FBXO11: variants seen among roughly 807,000 people sequenced by gnomAD.
FBXO11 encodes F-box protein 11.
In FBXO11, 13 loss-of-function variants were observed where a neutral mutation model predicts 117.0. The observed-to-expected ratio is 0.11, with a 90% CI of 0.07 to 0.18. The LOEUF (loss-of-function observed/expected upper bound fraction) is 0.18, where lower values mean the gene tolerates loss of function less well. Ranked by LOEUF, FBXO11 falls within the 10% of genes least tolerant of loss-of-function variation. FBXO11 has a pLI of 1.00. For missense variants in FBXO11, 767 were observed against 1,164.4 expected, an observed-to-expected ratio of 0.66 and a Z score of 4.97; for synonymous variants, 490 against 380.5, an observed-to-expected ratio of 1.29 and a Z score of -3.35.
intron 1 of FBXO11, among the ~76,000 whole-genome samples, chr2:47,889,006 C>A (rs548001539): frequency 6.6e-6 from 1 of 152,208 alleles, no homozygotes; most frequent in East Asian, 1.9e-4. Flanking sequence ...ATGAACACAC[C>A]TTGGACTAGA....
chr2:47,868,627 G>T (rs1316245183), intron 1 of FBXO11, among the ~76,000 whole-genome samples: 3 of 152,048 alleles, frequency 2.0e-5, no homozygotes, highest in African/African-American at 7.2e-5. Context: ...AACCATTGTT[G>T]TCATTGCCCA....
At chr2:47,889,410 A>G (rs1677100587) in intron 1 of FBXO11, among the ~76,000 whole-genome samples, 2 of 152,294 alleles carry the variant, frequency 1.3e-5, no homozygotes, top group South Asian at 4.1e-4. Context: ...CTCTTTAATG[A>G]AGGTTTTCTA....
At chr2:47,870,412 C>G (rs940907241) in intron 1 of FBXO11, among the ~76,000 whole-genome samples, 14 of 152,072 alleles carry the variant, frequency 9.2e-5, no homozygotes, top group African/African-American at 3.4e-4. Flanking sequence ...GAAATAGGGT[C>G]TTTGAAAATG....
chr2:47,825,571 C>CTTTTTTTTTT (rs751404253), intron 11 of FBXO11, among the ~76,000 whole-genome samples: 8 of 88,310 alleles, frequency 9.1e-5, no homozygotes, highest in African/African-American at 2.3e-4. Flanking sequence ...TCTTCTTCTT[C>CTTTTTTTTTT]TTTTTTTTTT....
At chr2:47,842,462 C>T (rs1402718120) in intron 1 of FBXO11, among the ~76,000 whole-genome samples, 1 of 152,056 alleles carries the variant, frequency 6.6e-6, no homozygotes, top group African/African-American at 2.4e-5. Flanking sequence ...GTTTCTCTAC[C>T]TAGCTATATT....
chr2:47,890,842 C>T (rs1216783220), intron 1 of FBXO11, among the ~76,000 whole-genome samples: 2 of 151,904 alleles, frequency 1.3e-5, no homozygotes, highest in Non-Finnish European at 2.9e-5. Context: ...TATTGAGACA[C>T]AGTCTTGCTC....
In FBXO11 at chr2:47,826,647, G is replaced by A. The variant is rs974095687; in HGVS notation, c.1399-3287C>T. ...TGGTTAGATTAGTGTGCTATTCAGA[G>A]TTGAGCCATAAAATATGACTTCTTT... On this transcript the variant is annotated intron_variant, in intron 11 of 22. Transcript: ENST00000403359. Among the ~76,000 whole-genome samples the A allele has an allele frequency of 2.6e-5, 4 of 152,148 alleles. 1 individual carries two copies. Among genetic ancestry groups the A allele is most frequent in the Admixed American group, 2.6e-4 (4 of 15,268 alleles).
intron 4 of FBXO11, among the ~76,000 whole-genome samples, chr2:47,838,352 T>C (rs1032970100): frequency 3.3e-5 from 5 of 152,184 alleles, no homozygotes; most frequent in Non-Finnish European, 7.3e-5. Context: ...ATTTAGATTA[T>C]TTATAATTTT....
At chr2:47,880,184 G>A (rs1572895670) in intron 1 of FBXO11, among the ~76,000 whole-genome samples, 2 of 152,068 alleles carry the variant, frequency 1.3e-5, no homozygotes, top group South Asian at 4.1e-4. Flanking sequence ...TTTTGGTAGA[G>A]TCAGGGTTTT....
At chr2:47,823,732 G>T (rs1035020734) in intron 11 of FBXO11, among the ~76,000 whole-genome samples, 2 of 151,598 alleles carry the variant, frequency 1.3e-5, no homozygotes, top group Non-Finnish European at 2.9e-5. Flanking sequence ...CAGCCTGGGT[G>T]ACAAGAGCAA....
rs1448536295 is a variant in FBXO11, at chr2:47,905,529, AGGCGGCGGTGGC to A, written c.180_191del (p.Pro63_Pro66del). On this transcript the variant is annotated inframe_deletion, in exon 1 of 23. Transcript: ENST00000403359. The stretch of plus-strand genomic sequence containing the variant: ...TGTTCCGCTCCTGAGGCAGCGGCGG[AGGCGGCGGTGGC>A]GGCGGCGGAGGCTGCTGCTGCTGCT... 1.2e-5 allele frequency: 15 copies of A among 1,235,242 alleles called. No homozygotes were observed. The highest frequency in any genetic ancestry group is 7.3e-5 in the South Asian group (2 of 27,434). The allele number at this position is 1,235,242 out of a possible 1,614,324, so 76.5% of individuals were successfully genotyped here.
intron 7 of FBXO11, among the ~76,000 whole-genome samples, chr2:47,833,898 C>G (rs1290847864): frequency 1.3e-5 from 2 of 151,538 alleles, no homozygotes; most frequent in East Asian, 3.9e-4. Context: ...TAACTCCTGA[C>G]CTGAAGCGAT....
intron 1 of FBXO11, among the ~76,000 whole-genome samples, chr2:47,884,880 C>A (rs58552166): frequency 0.053 from 8,139 of 152,168 alleles, 227 homozygotes; most frequent in Non-Finnish European, 0.068. Context: ...TACTGTAAAA[C>A]AGGTTCTTGT....
rs376598500 is a variant in FBXO11, at chr2:47,838,969, C to T, written c.477G>A (p.Leu159=). ...APAEQYLQEK[L]PDEVVLKIFS... is the part of the protein sequence containing the mutation. ...AGATTTTTAGAACCACTTCATCTGGCAGTTTCTCCTGAAGATACTGTTCAG... is the reference window on the plus strand; with the variant it reads ...AGATTTTTAGAACCACTTCATCTGGTAGTTTCTCCTGAAGATACTGTTCAG... The change falls in exon 4 of 23, where the codon CTG becomes CTA. Residue 159 remains leucine (L), a synonymous_variant. Transcript: ENST00000403359. 22 of 1,613,862 alleles carry T rather than the reference C, an allele frequency of 1.4e-5. No individual in the cohort carries two copies. The African/African-American group carries it at 1.9e-4, about 14-fold the overall frequency.
At chr2:47,829,632 A>AT (rs1431479435) in intron 11 of FBXO11, among the ~76,000 whole-genome samples, 1 of 152,188 alleles carries the variant, frequency 6.6e-6, no homozygotes, top group Non-Finnish European at 1.5e-5. Context: ...AACTGTGAAC[A>AT]TTAAGAGAAA....
chr2:47,809,440 TACTCCAACC>T, intron 20 of FBXO11, 151 bp downstream of exon 20: 1 of 688,782 alleles, frequency 1.5e-6, no homozygotes, highest in Non-Finnish European at 2.4e-6. Flanking sequence ...TTGTATAAGA[TACTCCAACC>T]ATTTAGAACC....
intron 11 of FBXO11, among the ~76,000 whole-genome samples, chr2:47,831,413 C>T (rs961784915): frequency 1.6e-5 from 2 of 124,640 alleles, no homozygotes; most frequent in African/African-American, 6.1e-5. Flanking sequence ...AAGGGTGAAA[C>T]TCGGTCTCAA....
intron 4 of FBXO11, among the ~76,000 whole-genome samples, chr2:47,838,452 C>T (rs940847334): frequency 6.6e-6 from 1 of 151,710 alleles, no homozygotes; most frequent in African/African-American, 2.4e-5. Flanking sequence ...AAGGGCATGA[C>T]CCAGTAATTA....
intron 1 of FBXO11, among the ~76,000 whole-genome samples, chr2:47,880,564 T>A (rs1203783257): frequency 2.6e-5 from 4 of 152,378 alleles, no homozygotes; most frequent in Non-Finnish European, 4.4e-5. Flanking sequence ...TGAAGCTTGT[T>A]TGGCGTCTTT....
Sources: gnomAD v4.1 joint callset for allele counts (sites outside exome capture counted in the v4.1 genomes callset) on GRCh38, gnomAD v4.1.1 for gene constraint, MANE v1.5 for transcripts, NCBI Gene and HGNC (gene_info 2026-07-23, HGNC 2026-07-21) for gene names.